The following CUX2 variants were observed in gnomAD, a reference collection of about 807,000 sequenced individuals.
CUX2 encodes the protein cut like homeobox 2.
In CUX2, 40 loss-of-function variants were observed where a neutral mutation model predicts 144.8. The observed-to-expected ratio is 0.28, with a 90% CI of 0.21 to 0.36. The LOEUF (loss-of-function observed/expected upper bound fraction) is 0.36. CUX2 is among the 10% of genes least tolerant of loss of function. The pLI is 1.00. For missense variants in CUX2, 1,615 were observed against 1,994.0 expected (o/e 0.81, Z 3.62); for synonymous variants, 827 against 875.6 (o/e 0.94, Z 0.98).
intron 1 of CUX2, among the ~76,000 whole-genome samples, chr12:111,123,652 C>G (rs1874840575): frequency 6.6e-6 from 1 of 152,134 alleles, no homozygotes; most frequent in African/African-American, 2.4e-5. Context: ...CCTCCTACCT[C>G]CACCTCCTGA....
chr12:111,268,129 T>C (rs1177187689), intron 4 of CUX2, among the ~76,000 whole-genome samples: 2 of 152,060 alleles, frequency 1.3e-5, no homozygotes, highest in Admixed American at 1.3e-4. Flanking sequence ...TGTCATTAGA[T>C]TTTGGGGCCA....
intron 12 of CUX2, among the ~76,000 whole-genome samples, 188 bp from the exon 13 acceptor site, chr12:111,308,097 G>A (rs915638754): frequency 2.6e-5 from 4 of 152,204 alleles, no homozygotes; most frequent in African/African-American, 9.6e-5. Flanking sequence ...ACCCCTCCAG[G>A]TAACATCGCC....
chr12:111,099,581 CAT>C (rs1566219165), intron 1 of CUX2: 2 of 456,742 alleles, frequency 4.4e-6, no homozygotes, highest in Admixed American at 4.7e-5. Flanking sequence ...CCACCATCCT[CAT>C]GTGTAGCCCT....
rs1887560524 is a variant in CUX2, at chr12:111,322,044, A to G, written c.2767-377A>G. 6.6e-6 allele frequency among the ~76,000 whole-genome samples: 1 copy of G among 152,020 alleles called. No individual in the cohort carries two copies. The highest frequency in any genetic ancestry group is 1.5e-5 in the Non-Finnish European group (1 of 67,984). Reference sequence around the variant, plus strand: ...GAGGGGAGGGGATGGGAGGCTGGGCATGGTGGCTCACACCTATAATCCCAA... The same window carrying G: ...GAGGGGAGGGGATGGGAGGCTGGGCGTGGTGGCTCACACCTATAATCCCAA... On this transcript the variant is annotated intron_variant, in intron 17 of 21. Coordinates refer to ENST00000261726, the MANE Select transcript of CUX2 (RefSeq NM_015267.4). This position sits in a 1 kb window ranked among gnomAD's most constrained non-coding sequence, Gnocchi z 4.2.
chr12:111,299,052 G>T (rs997238318), intron 9 of CUX2, among the ~76,000 whole-genome samples: 17 of 152,232 alleles, frequency 1.1e-4, no homozygotes, highest in African/African-American at 4.1e-4. Flanking sequence ...TAAAAGAAGG[G>T]CAGCCACAGC....
At chr12:111,125,863 T>C (rs6489950) in intron 1 of CUX2, among the ~76,000 whole-genome samples, 12,067 of 152,074 alleles carry the variant, frequency 0.079, 1,621 homozygotes, top group African/African-American at 0.28. Context: ...CAATTTTTTT[T>C]AGAGAAAATG....
chr12:111,240,002 A>C (rs1882944756), intron 3 of CUX2, among the ~76,000 whole-genome samples: 1 of 152,252 alleles, frequency 6.6e-6, no homozygotes, highest in Non-Finnish European at 1.5e-5. Context: ...TGAGCTTCAC[A>C]GCAGAATTGG....
In CUX2 at chr12:111,348,199, G is replaced by T; in HGVS notation, c.4335G>T (p.Leu1445Phe). ...CCACTGCTGACATGGCTGGAGCCTT[G>T]CACCCCAGTGCCAAGGTGAACCCCA... ...ASPTADMAGA[L>F]HPSAKVNPNL... Residue 1445 changes from leucine to phenylalanine, a missense_variant, in exon 22 of 22, where the codon TTG becomes TTT. Around this residue, in one of 12 missense-constraint regions of CUX2, gnomAD observed 298 missense variants for 330.4 expected, o/e 0.90. Coordinates refer to ENST00000261726, the MANE Select transcript of CUX2 (RefSeq NM_015267.4). The T allele has an allele frequency of 6.2e-7, 1 of 1,614,034 alleles. No individual in the cohort carries two copies. The highest frequency in any genetic ancestry group is 1.1e-5 in the South Asian group (1 of 91,082).
At chr12:111,101,131 C>T (rs1200948522) in intron 1 of CUX2, among the ~76,000 whole-genome samples, 2 of 152,186 alleles carry the variant, frequency 1.3e-5, no homozygotes, top group African/African-American at 4.8e-5. Flanking sequence ...CATTTTGTGA[C>T]ACGAATGCGC....
chr12:111,051,802 A>G (rs1293646403), intron 1 of CUX2, among the ~76,000 whole-genome samples: 2 of 149,468 alleles, frequency 1.3e-5, no homozygotes, highest in Non-Finnish European at 3.0e-5. Flanking sequence ...TTGTTCCTCT[A>G]TTTCTCTTTT....
In CUX2 at chr12:111,186,659, C is replaced by T. The variant is rs953981365; in HGVS notation, c.64-27541C>T. On this transcript the variant is annotated intron_variant, in intron 1 of 21. Transcript: ENST00000261726. This position sits in a 1 kb window ranked among gnomAD's most constrained non-coding sequence, Gnocchi z 4.4. ...CGCCGCCATCTGCCAGCTGTGTGAC[C>T]TTGTATGACCTTGCCACTCTGAGCC... 3.3e-5 allele frequency among the ~76,000 whole-genome samples: 5 copies of T among 152,244 alleles called. No individual in the cohort carries two copies. Among genetic ancestry groups the T allele is most frequent in the African/African-American group, 9.6e-5 (4 of 41,470 alleles).
chr12:111,288,102 G>A (rs1246842119), intron 4 of CUX2, among the ~76,000 whole-genome samples: 3 of 152,190 alleles, frequency 2.0e-5, no homozygotes, highest in Admixed American at 6.5e-5. Flanking sequence ...GTTAGTCGAG[G>A]AGGGCTTCCT....
chr12:111,278,817 A>G (rs1884997531), intron 4 of CUX2, among the ~76,000 whole-genome samples: 1 of 152,158 alleles, frequency 6.6e-6, no homozygotes, highest in African/African-American at 2.4e-5. Context: ...GAATAATACC[A>G]TTGGACAAAG....
At chr12:111,086,385 C>T (rs1452032322) in intron 1 of CUX2, among the ~76,000 whole-genome samples, 1 of 152,148 alleles carries the variant, frequency 6.6e-6, no homozygotes, top group Non-Finnish European at 1.5e-5. Context: ...GTTTGGCTGA[C>T]CTGATTATTT....
intron 16 of CUX2, among the ~76,000 whole-genome samples, chr12:111,314,296 A>G (rs545391572): frequency 1.3e-5 from 2 of 150,540 alleles, no homozygotes; most frequent in South Asian, 2.1e-4. Context: ...TGTGGCAGCT[A>G]ACTCCTGACC....
chr12:111,124,497 A>G (rs577772966), intron 1 of CUX2, among the ~76,000 whole-genome samples: 1 of 152,326 alleles, frequency 6.6e-6, no homozygotes. Flanking sequence ...TGGGGCTCCT[A>G]TGACCTACAG....
chr12:111,230,401 T>TGGATGCTAA (rs1016111094), intron 3 of CUX2, among the ~76,000 whole-genome samples: 5 of 152,156 alleles, frequency 3.3e-5, no homozygotes, highest in African/African-American at 1.2e-4. Flanking sequence ...CCACATCACC[T>TGGATGCTAA]GGAAGTACCT....
chr12:111,044,249 G>A (rs11838145), intron 1 of CUX2, among the ~76,000 whole-genome samples: 10,864 of 152,082 alleles, frequency 0.071, 1,268 homozygotes, highest in African/African-American at 0.25. Context: ...TGTAGGAGAC[G>A]CTCCGTTGAG....
chr12:111,228,613 A>G (rs1293604142), intron 3 of CUX2, among the ~76,000 whole-genome samples: 1 of 152,038 alleles, frequency 6.6e-6, no homozygotes, highest in Non-Finnish European at 1.5e-5. Flanking sequence ...TAGTAGAGAC[A>G]GGGCTTCACT....
Sources: gnomAD v4.1 joint callset for allele counts (sites outside exome capture counted in the v4.1 genomes callset) on GRCh38, gnomAD v4.1.1 for gene constraint, gnomAD v4.1.1 regional missense constraint, Gnocchi (gnomAD v3.1) non-coding constraint, MANE v1.5 for transcripts, NCBI Gene and HGNC (gene_info 2026-07-23, HGNC 2026-07-21) for gene names.